KIAA1217: variants seen among roughly 807,000 people sequenced by gnomAD.
KIAA1217 encodes the protein sickle tail protein homolog.
Under a neutral mutation model 163.9 loss-of-function variants are expected in KIAA1217, and 88 were observed. That is an observed-to-expected ratio of 0.54 (90% CI 0.45 to 0.64). KIAA1217 has a LOEUF of 0.64. Ranked by LOEUF, KIAA1217 falls within the 30% of genes least tolerant of loss-of-function variation. KIAA1217 has a pLI of 0.00. For missense variants in KIAA1217, 2,372 were observed against 2,475.0 expected (o/e 0.96, Z 0.88); for synonymous variants, 903 against 923.1 (o/e 0.98, Z 0.39).
At chr10:23,772,690 T>C (rs1049555725) in intron 1 of KIAA1217, among the ~76,000 whole-genome samples, 2 of 152,192 alleles carry the variant, frequency 1.3e-5, no homozygotes, top group Admixed American at 6.5e-5. Flanking sequence ...ATTAGAGATA[T>C]TGCTGAGACA....
intron 2 of KIAA1217, among the ~76,000 whole-genome samples, chr10:24,038,678 C>G (rs1250287076): frequency 6.6e-6 from 1 of 151,530 alleles, no homozygotes; most frequent in African/African-American, 2.4e-5. Context: ...GGAAGGGAGA[C>G]GGCTTCCAGT....
intron 2 of KIAA1217, among the ~76,000 whole-genome samples, chr10:24,315,931 G>GA (rs987143923): frequency 1.5e-5 from 1 of 66,832 alleles, no homozygotes; most frequent in South Asian, 3.3e-4. Flanking sequence ...TTATCTAATG[G>GA]GGGGGGGGAA....
intron 1 of KIAA1217, among the ~76,000 whole-genome samples, chr10:23,740,059 T>C (rs1053058557): frequency 7.9e-6 from 1 of 125,820 alleles, no homozygotes. Flanking sequence ...CATCTTAAAT[T>C]TGAGATGCCT....
At chr10:24,194,942 C>A (rs2066914232) in intron 2 of KIAA1217, among the ~76,000 whole-genome samples, 1 of 151,922 alleles carries the variant, frequency 6.6e-6, no homozygotes, top group African/African-American at 2.4e-5. Context: ...GACTGTTCTT[C>A]TCTGTACGAG....
chr10:23,722,875 A>G (rs932442672), intron 1 of KIAA1217, among the ~76,000 whole-genome samples: 2 of 152,208 alleles, frequency 1.3e-5, no homozygotes, highest in African/African-American at 2.4e-5. Context: ...TCCAGTTCCT[A>G]AGGAGTAGGC....
intron 2 of KIAA1217, among the ~76,000 whole-genome samples, chr10:24,294,542 T>C (rs1164171950): frequency 6.6e-6 from 1 of 152,214 alleles, no homozygotes; most frequent in Admixed American, 6.5e-5. Context: ...ACGTTCACAC[T>C]GAGGAGGAAA....
intron 2 of KIAA1217, among the ~76,000 whole-genome samples, chr10:24,171,241 T>C (rs376056075): frequency 2.0e-5 from 3 of 152,186 alleles, no homozygotes; most frequent in African/African-American, 7.2e-5. Context: ...ATCATCAGCT[T>C]ACAACGAATT....
intron 2 of KIAA1217, among the ~76,000 whole-genome samples, chr10:24,200,576 T>C (rs1801101498): frequency 6.6e-6 from 1 of 152,238 alleles, no homozygotes; most frequent in Admixed American, 6.5e-5. Flanking sequence ...CCTGGGACTT[T>C]TCCAGTTTCA....
chr10:23,740,059 T>A (rs1053058557), intron 1 of KIAA1217, among the ~76,000 whole-genome samples: 1 of 125,820 alleles, frequency 7.9e-6, no homozygotes, highest in East Asian at 2.1e-4. Flanking sequence ...CATCTTAAAT[T>A]TGAGATGCCT....
At chr10:24,004,591 G>A (rs1344771964) in intron 1 of KIAA1217, among the ~76,000 whole-genome samples, 1 of 152,190 alleles carries the variant, frequency 6.6e-6, no homozygotes, top group Non-Finnish European at 1.5e-5. Context: ...CCAAGCAATG[G>A]ATTATTATTG....
chr10:24,358,731 C>A (rs959535686), intron 2 of KIAA1217, among the ~76,000 whole-genome samples: 2 of 152,200 alleles, frequency 1.3e-5, no homozygotes, highest in African/African-American at 4.8e-5. Context: ...CTGTATATGA[C>A]AGGTTTGCTT....
At chr10:23,748,228 C>A (rs1199418615) in intron 1 of KIAA1217, among the ~76,000 whole-genome samples, 1 of 152,108 alleles carries the variant, frequency 6.6e-6, no homozygotes, top group Admixed American at 6.6e-5. Context: ...TCCTAGTGAA[C>A]AAAAGTCCTT....
At chr10:24,363,392 A>G (rs544618645) in intron 2 of KIAA1217, among the ~76,000 whole-genome samples, 5 of 152,232 alleles carry the variant, frequency 3.3e-5, no homozygotes, top group African/African-American at 1.2e-4. Flanking sequence ...CAATGTCTGA[A>G]GTTTCTTTTT....
chr10:24,044,757 C>CA (rs1441314083), intron 2 of KIAA1217, among the ~76,000 whole-genome samples: 1 of 152,126 alleles, frequency 6.6e-6, no homozygotes. Context: ...TAAATCCTTT[C>CA]ATTACTAAGC....
intron 2 of KIAA1217, among the ~76,000 whole-genome samples, chr10:24,061,293 C>T (rs2060713090): frequency 6.6e-6 from 1 of 152,054 alleles, no homozygotes; most frequent in South Asian, 2.1e-4. Flanking sequence ...CTTCTTCTCC[C>T]CTCACAATTT....
chr10:24,141,622 C>T (rs948366540), intron 2 of KIAA1217, among the ~76,000 whole-genome samples: 14 of 152,162 alleles, frequency 9.2e-5, no homozygotes, highest in Admixed American at 3.9e-4. Context: ...GAGAACTGAA[C>T]TATGAGAATG....
intron 1 of KIAA1217, among the ~76,000 whole-genome samples, chr10:23,978,031 G>A (rs959913544): frequency 6.6e-6 from 1 of 152,138 alleles, no homozygotes; most frequent in African/African-American, 2.4e-5. Flanking sequence ...TACTCCCACT[G>A]AGTTTCTCTT....
intron 5 of KIAA1217, among the ~76,000 whole-genome samples, chr10:24,468,225 G>C (rs1564735074): frequency 3.3e-5 from 5 of 152,122 alleles, no homozygotes; most frequent in Admixed American, 2.0e-4. Flanking sequence ...TCCTAAGAGC[G>C]AGTTGCCTTA....
intron 2 of KIAA1217, among the ~76,000 whole-genome samples, chr10:24,028,828 T>G (rs1848074173): frequency 6.6e-6 from 1 of 152,190 alleles, no homozygotes; most frequent in South Asian, 2.1e-4. Context: ...ACCAATAGTT[T>G]TATGCTTCTG....
Sources: gnomAD v4.1 joint callset for allele counts (sites outside exome capture counted in the v4.1 genomes callset) on GRCh38, gnomAD v4.1.1 for gene constraint, MANE v1.5 for transcripts, NCBI Gene and HGNC (gene_info 2026-07-23, HGNC 2026-07-21) for gene names.